Variants in ARHGAP44 observed in about 807,000 individuals in gnomAD.
The protein encoded by ARHGAP44 is rho GTPase-activating protein 44.
In ARHGAP44, 43 loss-of-function variants were observed where a neutral mutation model predicts 106.8. The observed-to-expected ratio is 0.40, with a 90% CI of 0.32 to 0.52. ARHGAP44 has a LOEUF of 0.52. Among genes scored for constraint, ARHGAP44 ranks in the 20% least tolerant of loss-of-function variants. The pLI, the probability that ARHGAP44 is intolerant of heterozygous loss-of-function variation, is 0.48. For missense variants in ARHGAP44, 866 were observed against 1,050.5 expected, an observed-to-expected ratio of 0.82 and a Z score of 2.43; for synonymous variants, 439 against 410.3, an observed-to-expected ratio of 1.07 and a Z score of -0.85.
At chr17:12,861,653 T>TTTTTTTTTTTAA (rs755400921) in intron 1 of ARHGAP44, among the ~76,000 whole-genome samples, 20,135 of 59,050 alleles carry the variant, frequency 0.34, 2,502 homozygotes, top group Middle Eastern at 0.53. Flanking sequence ...ACTTTTTTTT[T>TTTTTTTTTTTAA]TTTTTGAGAT....
At chr17:12,820,150 T>C (rs1367780202) in intron 1 of ARHGAP44, among the ~76,000 whole-genome samples, 1 of 152,138 alleles carries the variant, frequency 6.6e-6, no homozygotes, top group Non-Finnish European at 1.5e-5. Context: ...TTATTCCCCA[T>C]TGTATTGCAG....
At chr17:12,876,739 T>A (rs1232377790) in intron 1 of ARHGAP44, among the ~76,000 whole-genome samples, 1 of 151,644 alleles carries the variant, frequency 6.6e-6, no homozygotes, top group African/African-American at 2.4e-5. Flanking sequence ...GGTGAAACCC[T>A]GTCTCTACTA....
In ARHGAP44 at chr17:12,990,377, G is replaced by A. The variant is rs1323221044; in HGVS notation, c.*206G>A. 3.3e-6 allele frequency: 2 copies of A among 609,602 alleles called. No homozygotes were observed. Among genetic ancestry groups the A allele is most frequent in the East Asian group, 3.0e-5 (1 of 33,764 alleles). 37.8% of individuals were successfully genotyped at this position (609,602 alleles called of 1,614,324 possible). A position where few individuals can be genotyped will look rare whatever the true frequency, so the allele number is the denominator to read the frequency against. On this transcript the variant is annotated 3_prime_UTR_variant, in exon 21 of 21. Coordinates refer to ENST00000379672, the MANE Select transcript of ARHGAP44 (RefSeq NM_014859.6). The stretch of plus-strand genomic sequence containing the variant: ...CAGGTTTTGTTTGTTCCTTTCGGGT[G>A]GTGACTTCGGCCTTTTGTTTGACCT...
chr17:12,796,065 A>G (rs1230941412), intron 1 of ARHGAP44, among the ~76,000 whole-genome samples: 3 of 152,146 alleles, frequency 2.0e-5, no homozygotes, highest in African/African-American at 2.4e-5. Flanking sequence ...GGAAAAAAAA[A>G]TCACCTATAA....
chr17:12,825,330 C>T (rs573953273), intron 1 of ARHGAP44, among the ~76,000 whole-genome samples: 3 of 126,232 alleles, frequency 2.4e-5, no homozygotes, highest in Admixed American at 1.4e-4. Flanking sequence ...AGCCACTGCT[C>T]CCAGCCCTTG....
chr17:12,939,932 A>G (rs1212986856), intron 7 of ARHGAP44, among the ~76,000 whole-genome samples: 1 of 152,208 alleles, frequency 6.6e-6, no homozygotes, highest in Non-Finnish European at 1.5e-5. Context: ...TGTTCTCAGC[A>G]ATTGCTTGCC....
At chr17:12,917,482 G>A (rs2037952839) in intron 5 of ARHGAP44, 1 of 152,450 alleles carries the variant, frequency 6.6e-6, no homozygotes, top group African/African-American at 2.4e-5. Flanking sequence ...ACGGGAGGGA[G>A]GGAGAGAGAG....
At chr17:12,977,386 C>G (rs1185900292) in intron 18 of ARHGAP44, among the ~76,000 whole-genome samples, 2 of 152,166 alleles carry the variant, frequency 1.3e-5, no homozygotes, top group Admixed American at 6.5e-5. Flanking sequence ...TCCCCCTCCC[C>G]TGATGGCAGG....
rs2033659131 is a variant in ARHGAP44, at chr17:12,789,511, A to G, written c.-328A>G. On this transcript the variant is annotated 5_prime_UTR_variant, in exon 1 of 21. Coordinates refer to ENST00000379672, the MANE Select transcript of ARHGAP44 (RefSeq NM_014859.6). ...GGCCAGCCGGCCAGCCAGCCTGCGG[A>G]GACTCCCGGGTCCCCGCGCCGGACT... 1 of 180,640 alleles carries G rather than the reference A, an allele frequency of 5.5e-6. No individual in the cohort carries two copies. Among genetic ancestry groups the G allele is most frequent in the East Asian group, 1.4e-4 (1 of 7,028 alleles). 11.2% of individuals were successfully genotyped at this position (180,640 alleles called of 1,614,324 possible).
intron 1 of ARHGAP44, among the ~76,000 whole-genome samples, chr17:12,856,641 C>T (rs1186610053): frequency 6.6e-6 from 1 of 152,098 alleles, no homozygotes; most frequent in African/African-American, 2.4e-5. Flanking sequence ...TGAAAGTGAC[C>T]TCTGAGGTCA....
intron 1 of ARHGAP44, among the ~76,000 whole-genome samples, chr17:12,876,186 G>A (rs2036551686): frequency 6.6e-6 from 1 of 152,054 alleles, no homozygotes; most frequent in Admixed American, 6.5e-5. Context: ...GCCAAGTACT[G>A]GACACTGAGG....
At chr17:12,816,983 C>T (rs1026178392) in intron 1 of ARHGAP44, among the ~76,000 whole-genome samples, 1 of 152,068 alleles carries the variant, frequency 6.6e-6, no homozygotes, top group Non-Finnish European at 1.5e-5. Context: ...TTCTAGTGCT[C>T]GTGAAACATT....
intron 8 of ARHGAP44, among the ~76,000 whole-genome samples, chr17:12,943,107 A>T (rs1271965861): frequency 6.6e-6 from 1 of 152,186 alleles, no homozygotes. Context: ...GGGTCTTGCT[A>T]TGTTGCCCAA....
chr17:12,832,506 C>A (rs574231131), intron 1 of ARHGAP44, among the ~76,000 whole-genome samples: 1 of 152,320 alleles, frequency 6.6e-6, no homozygotes, highest in South Asian at 2.1e-4. Flanking sequence ...GCCATAACTT[C>A]TAACCTTCTG....
chr17:12,958,572 G>A lies in ARHGAP44; in HGVS notation c.1343-145G>A, dbSNP rs2039183775. The A allele has an allele frequency of 1.9e-5, 14 of 721,598 alleles. No individual in the cohort carries two copies. Among genetic ancestry groups the A allele is most frequent in the Admixed American group, 2.8e-5 (1 of 35,678 alleles). The allele number at this position is 721,598 out of a possible 1,614,324, so 44.7% of individuals were successfully genotyped here. The stretch of plus-strand genomic sequence containing the variant: ...CCCCTTTTTGGCCTGTTAATGTGAT[G>A]CATTATATTAATAAGGTGAACCATG... On this transcript the variant is annotated intron_variant, in intron 15 of 20. Coordinates refer to ENST00000379672, the MANE Select transcript of ARHGAP44 (RefSeq NM_014859.6). The surrounding 1 kb of genome is among the most constrained non-coding windows in gnomAD (Gnocchi z 4.1).
rs1170040079 is a variant in ARHGAP44 at position 12,800,324 on chromosome 17, C to T, written c.53+10433C>T. Among the ~76,000 whole-genome samples the T allele has an allele frequency of 2.0e-5, 3 of 152,334 alleles. No homozygotes were observed. The East Asian group carries it at 5.8e-4, about 29-fold the overall frequency. Reference sequence around the variant, plus strand: ...GGTATCAGTAATTGTAATGGCTTCACTCATTGAATCCCCATGGTGACTAAT... The same window carrying T: ...GGTATCAGTAATTGTAATGGCTTCATTCATTGAATCCCCATGGTGACTAAT... On this transcript the variant is annotated intron_variant, in intron 1 of 20. Coordinates refer to ENST00000379672, the MANE Select transcript of ARHGAP44 (RefSeq NM_014859.6).
chr17:12,970,951 A>G (rs2039514596), intron 16 of ARHGAP44, among the ~76,000 whole-genome samples: 1 of 152,208 alleles, frequency 6.6e-6, no homozygotes. Flanking sequence ...TAGGCTTCCA[A>G]CAGCATTGCT....
At chr17:12,873,094 T>C (rs1250542358) in intron 1 of ARHGAP44, among the ~76,000 whole-genome samples, 3 of 152,074 alleles carry the variant, frequency 2.0e-5, no homozygotes, top group Non-Finnish European at 4.4e-5. Flanking sequence ...AGGGACAGCT[T>C]TTGGCGGCTG....
intron 4 of ARHGAP44, among the ~76,000 whole-genome samples, chr17:12,912,609 C>T (rs557620732): frequency 2.0e-5 from 3 of 152,160 alleles, no homozygotes; most frequent in South Asian, 2.1e-4. Flanking sequence ...AAGAATTAAG[C>T]GTATGCCACA....
Sources: allele counts gnomAD v4.1 joint callset (sites outside exome capture counted in the v4.1 genomes callset), GRCh38; gene constraint gnomAD v4.1.1; non-coding constraint Gnocchi (gnomAD v3.1); transcripts MANE v1.5; gene names NCBI Gene and HGNC (gene_info 2026-07-23, HGNC 2026-07-21).